Variants in MYO15A observed in about 807,000 individuals in gnomAD.
MYO15A encodes the protein myosin XVA.
MYO15A carries 308 observed loss-of-function variants against 394.6 expected under a neutral mutation model. The ratio of observed to expected loss-of-function variants is 0.78; its 90% CI spans 0.71 to 0.86. The LOEUF (loss-of-function observed/expected upper bound fraction) is 0.86. Ranked by LOEUF, MYO15A falls within the 40% of genes least tolerant of loss-of-function variation. The pLI is 0.00. For synonymous variants in MYO15A, 1,957 were observed against 2,003.8 expected (o/e 0.98, Z 0.62); for missense variants, 4,606 against 4,799.1 (o/e 0.96, Z 1.19).
At chr17:18,131,575 G>A (rs373176079) in intron 10 of MYO15A, 44 bp downstream of exon 10, 29 of 1,610,380 alleles carry the variant, frequency 1.8e-5, no homozygotes, top group African/African-American at 2.7e-5. Context: ...CAGGGTCGGG[G>A]TGGGAGGTAC....
intron 40 of MYO15A, 28 bp from the exon 41 acceptor site, chr17:18,151,818 A>G (rs2046587866): frequency 6.4e-7 from 1 of 1,553,034 alleles, no homozygotes; most frequent in Middle Eastern, 1.7e-4. Context: ...CTCAGTGTCA[A>G]CCCACCACAG....
At position 18,178,823 on chromosome 17, in the gene MYO15A, C is replaced by T. The variant is rs1040059307; in HGVS notation, c.10546C>T (p.His3516Tyr). Residue 3516 changes from histidine (H) to tyrosine (Y), a missense_variant, in exon 66 of 66, where the codon CAT becomes TAT. His to Tyr is a moderately conservative substitution (Grantham distance 83, BLOSUM62 2). Coordinates refer to ENST00000647165, the MANE Select transcript of MYO15A (RefSeq NM_016239.4). ...AVHVENLLSA[H>Y]EKRLTLPPSE... ...GCACGTGGAGAACCTGCTCAGTGCCCATGAGAAGCGGCTCACATTGCCCCC... is the reference window on the plus strand; with the variant it reads ...GCACGTGGAGAACCTGCTCAGTGCCTATGAGAAGCGGCTCACATTGCCCCC... 11 of 1,613,884 alleles carry T rather than the reference C, an allele frequency of 6.8e-6. No homozygotes were observed. The highest frequency in any genetic ancestry group is 9.3e-6 in the Non-Finnish European group (11 of 1,180,014).
chr17:18,163,763 G>A lies in MYO15A; in HGVS notation c.9712G>A (p.Glu3238Lys). ...CCAGGTGGCCCTGGACGTGGTGGAAGAGATATGTGCTGAGATGGCTCTGAC... is the reference window on the plus strand; with the variant it reads ...CCAGGTGGCCCTGGACGTGGTGGAAAAGATATGTGCTGAGATGGCTCTGAC... ...TCTVALDVVE[E>K]ICAEMALTRP... Residue 3238 changes from glutamate to lysine, a missense_variant, in exon 60 of 66, where the codon GAG becomes AAG. Around this residue, in one of 2 missense-constraint regions of MYO15A, gnomAD observed 2,776 missense variants for 3,109.3 expected, o/e 0.89. Transcript: ENST00000647165. The A allele has an allele frequency of 6.2e-7, 1 of 1,613,888 alleles. No individual in the cohort carries two copies.
chr17:18,152,116 C>T lies in MYO15A; in HGVS notation c.7898C>T (p.Ser2633Phe). ...AGTCTCTTTGGGGTGGGACAGGTGT[C>T]CAGAGAGGCCGTGGCCCTGGTGAAG... Reference protein sequence around the residue: ...HLAAAPGTQVSREAVALVKPV... With the variant: ...HLAAAPGTQVFREAVALVKPV... The change falls in exon 42 of 66, where the codon TCC (serine) becomes TTC (phenylalanine). Residue 2633 changes from serine to phenylalanine, a missense_variant. Coordinates refer to ENST00000647165, the MANE Select transcript of MYO15A (RefSeq NM_016239.4). The T allele has an allele frequency of 6.4e-7, 1 of 1,551,610 alleles. No homozygotes were observed. The highest frequency in any genetic ancestry group is 2.4e-5 in the East Asian group (1 of 40,950).
Position 18,119,834 on chromosome 17 carries a change from C to T in MYO15A, c.1034C>T (p.Pro345Leu), listed in dbSNP as rs1182500342. ...EAHPYGYYLD[P>L]YAPYDAPYPP... Reference sequence around the variant, plus strand: ...CACCCTTATGGCTACTACCTGGATCCCTATGCGCCGTACGACGCGCCATAC... The same window carrying T: ...CACCCTTATGGCTACTACCTGGATCTCTATGCGCCGTACGACGCGCCATAC... The change falls in exon 2 of 66, where the codon CCC becomes CTC. Residue 345 changes from proline (P) to leucine (L), a missense_variant. Transcript: ENST00000647165. 6.8e-6 allele frequency: 11 copies of T among 1,612,948 alleles called. No homozygotes were observed. The highest frequency in any genetic ancestry group is 9.3e-6 in the Non-Finnish European group (11 of 1,179,996).
Position 18,137,655 on chromosome 17 carries a change from C to T in MYO15A, c.4851C>T (p.Asn1617=). 1.2e-6 allele frequency: 2 copies of T among 1,614,220 alleles called. No homozygotes were observed. Among genetic ancestry groups the T allele is most frequent in the Non-Finnish European group, 1.7e-6 (2 of 1,180,042 alleles). ...ACGAGAACCTTCAGTACCTTTTCAA[C>T]AAGATCGTCTTCCAGGAGGAGCAGG... ...YANENLQYLF[N]KIVFQEEQEE... is the part of the protein sequence containing the mutation. The change falls in exon 16 of 66, where the codon AAC becomes AAT. Residue 1617 remains asparagine, a synonymous_variant. Transcript: ENST00000647165.
intron 15 of MYO15A, 69 bp downstream of exon 15, chr17:18,136,755 G>A: frequency 6.5e-7 from 1 of 1,527,018 alleles, no homozygotes; most frequent in Non-Finnish European, 8.8e-7. Flanking sequence ...GGCGTCTCGG[G>A]CTGCCCTTCC....
chr17:18,135,666 T>C (rs2046252676), intron 12 of MYO15A, 45 bp from the exon 13 acceptor site: 3 of 1,571,254 alleles, frequency 1.9e-6, no homozygotes, highest in Non-Finnish European at 2.6e-6. Flanking sequence ...ACTTTAAATT[T>C]AGCCTATCTA....
Position 18,120,849 on chromosome 17 carries a change from G to T in MYO15A, c.2049G>T (p.Ala683=). The part of the protein sequence containing the change: ...GPPPAPPLSP[A]LSGLPRPASP... ...CGCCCGCGCCGCCGCTCTCCCCGGC[G>T]CTCTCGGGCCTGCCCCGGCCGGCCT... Residue 683 remains alanine, a synonymous_variant, in exon 2 of 66, where the codon GCG becomes GCT. Transcript: ENST00000647165. The T allele has an allele frequency of 8.4e-7, 1 of 1,196,182 alleles. No homozygotes were observed. The highest frequency in any genetic ancestry group is 3.5e-4 in the Middle Eastern group (1 of 2,844). The allele number at this position is 1,196,182 out of a possible 1,614,324, so 74.1% of individuals were successfully genotyped here.
chr17:18,171,228 G>A (rs1326592269), intron 62 of MYO15A, among the ~76,000 whole-genome samples: 1 of 152,198 alleles, frequency 6.6e-6, no homozygotes, highest in African/African-American at 2.4e-5. Context: ...CAGCCCTGTG[G>A]CTGCTTTGCC....
At position 18,119,503 on chromosome 17, in the gene MYO15A, T is replaced by C. The variant is rs2045862424; in HGVS notation, c.703T>C (p.Tyr235His). The change falls in exon 2 of 66, where the codon TAT (tyrosine) becomes CAT (histidine). Residue 235 changes from tyrosine (Y) to histidine (H), a missense_variant. By Grantham distance (83) the Tyr-to-His change is moderately conservative. Coordinates refer to ENST00000647165, the MANE Select transcript of MYO15A (RefSeq NM_016239.4). Reference protein sequence around the residue: ...GLEGFQDLGEYYDYHRDGDDY... With the variant: ...GLEGFQDLGEHYDYHRDGDDY... ...TGAGGGCTTCCAGGACCTGGGCGAG[T>C]ATTATGACTATCACCGCGACGGCGA... is the stretch of plus-strand genomic sequence containing the variant. 2.5e-6 allele frequency: 4 copies of C among 1,611,566 alleles called. No homozygotes were observed. The East Asian group carries it at 8.9e-5, about 36-fold the overall frequency.
chr17:18,127,358 C>T lies in MYO15A; in HGVS notation c.4032+193C>T, dbSNP rs1421802314. ...TGTGCCTGAGGGGTGAGAGTTCCTGCCTGTCTGTGTTTCTGTGGCAGCTCC... is the reference window on the plus strand; with the variant it reads ...TGTGCCTGAGGGGTGAGAGTTCCTGTCTGTCTGTGTTTCTGTGGCAGCTCC... On this transcript the variant is annotated intron_variant, in intron 7 of 65. Coordinates refer to ENST00000647165, the MANE Select transcript of MYO15A (RefSeq NM_016239.4). 2.6e-5 allele frequency among the ~76,000 whole-genome samples: 4 copies of T among 152,292 alleles called. No homozygotes were observed. The South Asian group carries it at 8.3e-4, about 32-fold the overall frequency.
chr17:18,132,326 G>T lies in MYO15A; in HGVS notation c.4207-127G>T. 1 of 732,194 alleles carries T rather than the reference G, an allele frequency of 1.4e-6. No individual in the cohort carries two copies. Among genetic ancestry groups the T allele is most frequent in the South Asian group, 1.5e-5 (1 of 66,668 alleles). The allele number at this position is 732,194 out of a possible 1,614,324, so 45.4% of individuals were successfully genotyped here. On this transcript the variant is annotated intron_variant, in intron 10 of 65. Transcript: ENST00000647165. The surrounding 1 kb of genome is among the most constrained non-coding windows in gnomAD (Gnocchi z 4.6). The stretch of plus-strand genomic sequence containing the variant: ...GCTGGGAGCCTCACCCATCACAGAG[G>T]CGCGTGTTCTCATCTGCAGCCCACT...
rs751324626 is a variant in MYO15A, at chr17:18,152,190, A to C, written c.7966+6A>C. 6.7e-7 allele frequency: 1 copy of C among 1,502,494 alleles called. No individual in the cohort carries two copies. Among genetic ancestry groups the C allele is most frequent in the South Asian group, 1.2e-5 (1 of 83,238 alleles). 93.1% of individuals were successfully genotyped at this position (1,502,494 alleles called of 1,614,324 possible). A position where few individuals can be genotyped will look rare whatever the true frequency, so the allele number is the denominator to read the frequency against. On this transcript the variant is annotated splice_donor_region_variant and intron_variant, in intron 42 of 65. Transcript: ENST00000647165. ...ATCCATGGCACCCACTTCAGGTGAG[A>C]GGGCCAGGAGGGAGGGAGGGGAGGG...
At position 18,141,678 on chromosome 17, in the gene MYO15A, C is replaced by G. The variant is rs747691685; in HGVS notation, c.5557C>G (p.His1853Asp). Residue 1853 changes from histidine to aspartate, a missense_variant, in exon 23 of 66, where the codon CAT becomes GAT. His to Asp is a moderately conservative substitution (Grantham distance 81, BLOSUM62 -1). Around this residue, in one of 2 missense-constraint regions of MYO15A, gnomAD observed 2,776 missense variants for 3,109.3 expected, o/e 0.89. Coordinates refer to ENST00000647165, the MANE Select transcript of MYO15A (RefSeq NM_016239.4). ...DRYCCLVALK[H>D]DLPANGDMCV... ...GTACTGCTGTCTAGTGGCCCTCAAG[C>G]ATGACCTGCCGGCTAATGGGGACAT... 2.5e-6 allele frequency: 4 copies of G among 1,614,128 alleles called. No individual in the cohort carries two copies. The East Asian group carries it at 8.9e-5, about 36-fold the overall frequency.
Position 18,163,730 on chromosome 17 carries a change from C to T in MYO15A, c.9691-12C>T, listed in dbSNP as rs1228565288. The T allele has an allele frequency of 6.2e-7, 1 of 1,608,078 alleles. No homozygotes were observed. Among genetic ancestry groups the T allele is most frequent in the East Asian group, 2.2e-5 (1 of 44,644 alleles). The stretch of plus-strand genomic sequence containing the variant: ...AACTGGCATGGCCTCATCTCTTCCG[C>T]CCCACCCCCAGGTGGCCCTGGACGT... On this transcript the variant is annotated splice_polypyrimidine_tract_variant and intron_variant, in intron 59 of 65. Transcript: ENST00000647165.
chr17:18,142,806 T>A lies in MYO15A; in HGVS notation c.5876T>A (p.Val1959Glu). The change falls in exon 25 of 66, where the codon GTA (valine) becomes GAA (glutamate). Residue 1959 changes from valine (V) to glutamate (E), a missense_variant. Val to Glu is a moderately radical substitution (Grantham distance 121, BLOSUM62 -2). Coordinates refer to ENST00000647165, the MANE Select transcript of MYO15A (RefSeq NM_016239.4). ...AGTCTGGTGAAGTTCCGGTCCCTGGTACACGCATACGTGAGCCGCCGACGC... is the reference window on the plus strand; with the variant it reads ...AGTCTGGTGAAGTTCCGGTCCCTGGAACACGCATACGTGAGCCGCCGACGC... Reference protein sequence around the residue: ...RRSLVKFRSLVHAYVSRRRYL... With the variant: ...RRSLVKFRSLEHAYVSRRRYL... 1 of 1,613,586 alleles carries A rather than the reference T, an allele frequency of 6.2e-7. No homozygotes were observed. Among genetic ancestry groups the A allele is most frequent in the East Asian group, 2.2e-5 (1 of 44,874 alleles).
chr17:18,141,183 T>C, intron 22 of MYO15A, 40 bp downstream of exon 22: 2 of 1,611,538 alleles, frequency 1.2e-6, no homozygotes, highest in Non-Finnish European at 1.7e-6. Context: ...TACAAATCCC[T>C]GCCCAACTCC....
At chr17:18,113,191 G>A (rs764003544) in intron 1 of MYO15A, among the ~76,000 whole-genome samples, 38 of 152,152 alleles carry the variant, frequency 2.5e-4, no homozygotes, top group Middle Eastern at 3.4e-3. Context: ...CTTGCTCTGT[G>A]TCAGAGGCTG....
Sources: allele counts gnomAD v4.1 joint callset (sites outside exome capture counted in the v4.1 genomes callset), GRCh38; gene constraint gnomAD v4.1.1; regional missense constraint gnomAD v4.1.1; non-coding constraint Gnocchi (gnomAD v3.1); transcripts MANE v1.5; gene names NCBI Gene and HGNC (gene_info 2026-07-23, HGNC 2026-07-21).